POU6F2: variants seen among roughly 807,000 people sequenced by gnomAD.
The protein encoded by POU6F2 is POU class 6 homeobox 2.
A neutral mutation model predicts 71.3 loss-of-function variants in POU6F2; 31 were observed. The ratio of observed to expected loss-of-function variants is 0.43; its 90% CI spans 0.33 to 0.59. The LOEUF is 0.59. Among genes scored for constraint, POU6F2 ranks in the 20% least tolerant of loss-of-function variants. The probability of loss-of-function intolerance (pLI) is 0.04; values close to 1 mark genes in which losing one functional copy is unlikely to be tolerated. For missense variants in POU6F2, 783 were observed against 856.8 expected, an observed-to-expected ratio of 0.91 and a Z score of 1.07; for synonymous variants, 347 against 355.7, an observed-to-expected ratio of 0.98 and a Z score of 0.27.
At chr7:39,230,843 G>GC (rs1354314862) in intron 4 of POU6F2, among the ~76,000 whole-genome samples, 5 of 152,010 alleles carry the variant, frequency 3.3e-5, no homozygotes, top group African/African-American at 4.8e-5. Flanking sequence ...TAGAATACAA[G>GC]CCCCCCCAAT....
At chr7:39,116,070 A>C (rs117407421) in intron 2 of POU6F2, among the ~76,000 whole-genome samples, 1,737 of 152,256 alleles carry the variant, frequency 0.011, 25 homozygotes, top group Non-Finnish European at 0.019. Flanking sequence ...ATTCTCCTGC[A>C]CTCAGGGCAA....
chr7:39,207,171 C>T (rs1794029747), intron 3 of POU6F2, among the ~76,000 whole-genome samples: 1 of 152,044 alleles, frequency 6.6e-6, no homozygotes, highest in Non-Finnish European at 1.5e-5. Flanking sequence ...ATTTGAGTTC[C>T]TCACAAGAAG....
At chr7:39,201,552 T>G (rs757758415) in intron 2 of POU6F2, among the ~76,000 whole-genome samples, 1 of 152,234 alleles carries the variant, frequency 6.6e-6, no homozygotes, top group Admixed American at 6.5e-5. Flanking sequence ...GCACAGCCCC[T>G]GTCCCATAGA....
At chr7:39,234,047 C>T (rs1794626794) in intron 4 of POU6F2, among the ~76,000 whole-genome samples, 1 of 152,120 alleles carries the variant, frequency 6.6e-6, no homozygotes, top group Admixed American at 6.5e-5. Flanking sequence ...ACATCTTTGG[C>T]ACGCATATGC....
chr7:39,371,950 C>CT (rs974917000), intron 5 of POU6F2, among the ~76,000 whole-genome samples: 3 of 151,970 alleles, frequency 2.0e-5, no homozygotes, highest in Admixed American at 6.6e-5. Flanking sequence ...GGATCTTGCT[C>CT]TGTCACCCAG....
At chr7:39,422,526 C>T (rs1392124581) in intron 6 of POU6F2, among the ~76,000 whole-genome samples, 3 of 152,060 alleles carry the variant, frequency 2.0e-5, no homozygotes, top group Non-Finnish European at 4.4e-5. Context: ...AATATATCCA[C>T]AGATGGGAAG....
At chr7:39,254,688 T>G (rs1191238614) in intron 4 of POU6F2, among the ~76,000 whole-genome samples, 2 of 152,192 alleles carry the variant, frequency 1.3e-5, no homozygotes, top group East Asian at 3.8e-4. Context: ...CCATCCTCAA[T>G]CTGTTTTCTG....
At chr7:39,326,257 C>T (rs552033098) in intron 4 of POU6F2, among the ~76,000 whole-genome samples, 2 of 152,310 alleles carry the variant, frequency 1.3e-5, no homozygotes, top group Admixed American at 1.3e-4. Flanking sequence ...TCTAGAAAAA[C>T]AACAACAACC....
chr7:39,270,609 G>T (rs1240428607), intron 4 of POU6F2, among the ~76,000 whole-genome samples: 2 of 152,168 alleles, frequency 1.3e-5, no homozygotes, highest in African/African-American at 4.8e-5. Context: ...TGTATGTGGG[G>T]CTTTTATCAC....
intron 4 of POU6F2, among the ~76,000 whole-genome samples, chr7:39,226,429 C>T (rs1794461913): frequency 6.6e-6 from 1 of 152,130 alleles, no homozygotes; most frequent in Non-Finnish European, 1.5e-5. Context: ...CAGCCTTTTA[C>T]TTGAGGTTAT....
chr7:39,251,312 G>T (rs896425873), intron 4 of POU6F2, among the ~76,000 whole-genome samples: 2 of 152,096 alleles, frequency 1.3e-5, no homozygotes, highest in African/African-American at 4.8e-5. Context: ...CCAGTTGATG[G>T]CATCACAGGA....
At position 39,296,711 on chromosome 7, in the gene POU6F2, G is replaced by A. The variant is rs537257366; in HGVS notation, c.599-42931G>A. On this transcript the variant is annotated intron_variant, in intron 4 of 9. Transcript: ENST00000518318. ...ACCCTCCTGCCAGTGCCACCCCAGA[G>A]GGGAACAGATGTAACTTTACATTCC... Among the ~76,000 whole-genome samples the A allele has an allele frequency of 2.2e-3, 331 of 152,278 alleles. 1 individual carries two copies. Among genetic ancestry groups the A allele is most frequent in the African/African-American group, 7.8e-3 (324 of 41,538 alleles).
rs575005812 is a variant in POU6F2, at chr7:39,284,102, G to T, written c.599-55540G>T. The stretch of plus-strand genomic sequence containing the variant: ...ATCAAGATCCTATGGTCTAGAGAAG[G>T]CTGGAAATCCCTTTGCAAAAGAGAT... On this transcript the variant is annotated intron_variant, in intron 4 of 9. Coordinates refer to ENST00000518318, the MANE Select transcript of POU6F2 (RefSeq NM_001370959.1). Among the ~76,000 whole-genome samples the T allele has an allele frequency of 5.3e-5, 8 of 152,282 alleles. 1 individual carries two copies. The Middle Eastern group carries it at 0.02, about 388-fold the overall frequency.
At chr7:39,381,691 A>C (rs1479962898) in intron 5 of POU6F2, among the ~76,000 whole-genome samples, 1 of 152,206 alleles carries the variant, frequency 6.6e-6, no homozygotes. Context: ...TGATTTGTAC[A>C]TATAGGTGTT....
Position 39,258,156 on chromosome 7 carries a change from A to G in POU6F2, c.598+50536A>G, listed in dbSNP as rs538089521. On this transcript the variant is annotated intron_variant, in intron 4 of 9. Coordinates refer to ENST00000518318, the MANE Select transcript of POU6F2 (RefSeq NM_001370959.1). ...GTAGTGGAATTAACTTTCAGATAAT[A>G]CCACGTAGATGACTTGGTTATGACT... is the stretch of plus-strand genomic sequence containing the variant. Among the ~76,000 whole-genome samples, 3 of 152,310 alleles carry G rather than the reference A, an allele frequency of 2.0e-5. No homozygotes were observed. The South Asian group carries it at 6.2e-4, about 32-fold the overall frequency.
chr7:39,362,280 A>AG (rs770003943), intron 5 of POU6F2, among the ~76,000 whole-genome samples: 4 of 127,526 alleles, frequency 3.1e-5, no homozygotes, highest in Non-Finnish European at 3.6e-5. Context: ...ATCAATGGCC[A>AG]GAAAAAAAAA....
intron 4 of POU6F2, among the ~76,000 whole-genome samples, chr7:39,277,397 C>A (rs185751579): frequency 6.6e-6 from 1 of 152,062 alleles, no homozygotes; most frequent in Non-Finnish European, 1.5e-5. Flanking sequence ...AGCCCTTGCC[C>A]CCCTCCCTCT....
At position 39,460,356 on chromosome 7, in the gene POU6F2, T is replaced by C. The variant is rs1231315067; in HGVS notation, c.1490-191T>C. Reference sequence around the variant, plus strand: ...GGACAGAAACATCTCGAAGGATGATTTGTGGAGGTGTAATGAGTTGCGGAT... The same window carrying C: ...GGACAGAAACATCTCGAAGGATGATCTGTGGAGGTGTAATGAGTTGCGGAT... On this transcript the variant is annotated intron_variant, in intron 8 of 9. Coordinates refer to ENST00000518318, the MANE Select transcript of POU6F2 (RefSeq NM_001370959.1). This position sits in a 1 kb window ranked among gnomAD's most constrained non-coding sequence, Gnocchi z 4.4. Among the ~76,000 whole-genome samples, 2 of 152,288 alleles carry C rather than the reference T, an allele frequency of 1.3e-5. No homozygotes were observed. Among genetic ancestry groups the C allele is most frequent in the East Asian group, 3.9e-4 (2 of 5,180 alleles).
chr7:39,401,386 T>A (rs1178564564), intron 5 of POU6F2, among the ~76,000 whole-genome samples: 1 of 152,148 alleles, frequency 6.6e-6, no homozygotes, highest in African/African-American at 2.4e-5. Flanking sequence ...TTTCTAACTG[T>A]TATGAGGGTG....
Sources: allele counts gnomAD v4.1 joint callset (sites outside exome capture counted in the v4.1 genomes callset), GRCh38; gene constraint gnomAD v4.1.1; non-coding constraint Gnocchi (gnomAD v3.1); transcripts MANE v1.5; gene names NCBI Gene and HGNC (gene_info 2026-07-23, HGNC 2026-07-21).